PP2D1: variants seen among roughly 807,000 people sequenced by gnomAD.
PP2D1 encodes protein phosphatase 2C-like domain-containing protein 1.
PP2D1 carries 25 observed loss-of-function variants against 30.2 expected under a neutral mutation model. That is an observed-to-expected ratio of 0.83 (90% confidence interval 0.60 to 1.16). The LOEUF is 1.16. Among genes scored for constraint, PP2D1 ranks in the 50% most tolerant of loss-of-function variants. The pLI is 0.00. For missense variants in PP2D1, 760 were observed against 742.4 expected, an observed-to-expected ratio of 1.02 and a Z score of -0.28; for synonymous variants, 260 against 258.9, an observed-to-expected ratio of 1.00 and a Z score of -0.04.
chr3:20,002,376 C>T (rs951911512), intron 1 of PP2D1, among the ~76,000 whole-genome samples: 6 of 152,086 alleles, frequency 3.9e-5, no homozygotes, highest in African/African-American at 1.2e-4. Context: ...CTTAGACATG[C>T]GAAAGTATGT....
chr3:20,004,035 A>T (rs570029394), intron 1 of PP2D1, among the ~76,000 whole-genome samples: 46 of 152,328 alleles, frequency 3.0e-4, no homozygotes, highest in African/African-American at 1.1e-3. Context: ...TAACATCTGC[A>T]GTAGTGTGCA....
downstream of PP2D1, among the ~76,000 whole-genome samples, chr3:19,980,371 G>T (rs1475800112): frequency 6.6e-6 from 1 of 151,812 alleles, no homozygotes; most frequent in African/African-American, 2.4e-5. Flanking sequence ...AAATCAGAAT[G>T]TTGCACTTCT....
At chr3:19,987,406 G>A (rs1697054136) in intron 2 of PP2D1, among the ~76,000 whole-genome samples, 1 of 152,022 alleles carries the variant, frequency 6.6e-6, no homozygotes, top group Non-Finnish European at 1.5e-5. Flanking sequence ...AATCATTTAT[G>A]ATTTATAGAA....
chr3:19,983,646 A>G, downstream of PP2D1: 1 of 1,060,930 alleles, frequency 9.4e-7, no homozygotes, highest in Non-Finnish European at 1.4e-6. Context: ...ATAGATAAGC[A>G]GGTGAAACTG....
intron 2 of PP2D1, among the ~76,000 whole-genome samples, chr3:19,991,997 C>T (rs1358472705): frequency 6.6e-6 from 1 of 152,050 alleles, no homozygotes; most frequent in African/African-American, 2.4e-5. Flanking sequence ...ATTAGGATTG[C>T]ATGTAAATAA....
Position 19,999,081 on chromosome 3 carries a change from C to CTTT in PP2D1, c.1090+1946_1090+1948dup, listed in dbSNP as rs63201460. Among the ~76,000 whole-genome samples the CTTT allele has an allele frequency of 5.0e-3, 681 of 135,134 alleles. 23 individuals carry two copies. The highest frequency in any genetic ancestry group is 0.016 in the South Asian group (68 of 4,328). The allele number at this position is 135,134 out of a possible 152,430, so 88.7% of individuals were successfully genotyped here. A position where few individuals can be genotyped will look rare whatever the true frequency, so the allele number is the denominator to read the frequency against. ...CCAACCAATCAGCAGTGTGTCTAGA[C>CTTT]TTTTTTTTTTTTTTTTTGAGACAGA... On this transcript the variant is annotated intron_variant, in intron 2 of 2. Coordinates refer to ENST00000389050, the MANE Select transcript of PP2D1 (RefSeq NM_001252657.2).
In PP2D1 at chr3:20,006,485, C is replaced by T. The variant is rs562187461; in HGVS notation, c.24-4389G>A. On this transcript the variant is annotated intron_variant, in intron 1 of 2. Coordinates refer to ENST00000389050, the MANE Select transcript of PP2D1 (RefSeq NM_001252657.2). ...ATGCTTAGGTCCCTGATATAAATGG[C>T]GTAGTATTTGCATCTTCCTTGTATG... Among the ~76,000 whole-genome samples the T allele has an allele frequency of 7.2e-5, 11 of 152,158 alleles. No homozygotes were observed. The East Asian group carries it at 9.7e-4, about 13-fold the overall frequency.
intron 2 of PP2D1, among the ~76,000 whole-genome samples, chr3:19,993,573 A>G (rs1697142581): frequency 6.6e-6 from 1 of 152,054 alleles, no homozygotes. Context: ...CCGTCTTTAC[A>G]TAAAACAAAA....
chr3:20,006,956 T>C (rs941843654), intron 1 of PP2D1, among the ~76,000 whole-genome samples: 1 of 149,888 alleles, frequency 6.7e-6, no homozygotes, highest in Non-Finnish European at 1.5e-5. Flanking sequence ...TGTGTGTATA[T>C]ATATATACAT....
chr3:19,986,743 T>G (rs1381437441), intron 2 of PP2D1, among the ~76,000 whole-genome samples: 1 of 151,554 alleles, frequency 6.6e-6, no homozygotes. Context: ...TTCTAAAATT[T>G]AAGTCAATCC....
At chr3:19,987,559 C>G (rs1182619343) in intron 2 of PP2D1, among the ~76,000 whole-genome samples, 1 of 152,038 alleles carries the variant, frequency 6.6e-6, no homozygotes, top group Admixed American at 6.6e-5. Context: ...CATTTAGTTG[C>G]TTGCAGGAGG....
chr3:19,999,914 C>A (rs1303047173), intron 2 of PP2D1, among the ~76,000 whole-genome samples: 1 of 152,272 alleles, frequency 6.6e-6, no homozygotes, highest in South Asian at 2.1e-4. Flanking sequence ...AGGCAGTGGA[C>A]ATGCACTTAG....
downstream of PP2D1, chr3:19,984,181 A>AT: frequency 2.4e-6 from 1 of 423,650 alleles, no homozygotes; most frequent in Non-Finnish European, 4.5e-6. Context: ...GTGAAAAAAA[A>AT]ATTGGAACTT....
chr3:20,006,224 C>T (rs1021278223), intron 1 of PP2D1, among the ~76,000 whole-genome samples: 1 of 152,052 alleles, frequency 6.6e-6, no homozygotes, highest in Non-Finnish European at 1.5e-5. Context: ...CCAGCCTGGG[C>T]GACAGAGCGA....
intron 1 of PP2D1, among the ~76,000 whole-genome samples, chr3:20,003,241 G>T (rs868193398): frequency 6.6e-6 from 1 of 151,842 alleles, no homozygotes; most frequent in South Asian, 2.1e-4. Flanking sequence ...CCTCCAGGAG[G>T]TATTCCAGAA....
At chr3:19,999,892 A>T (rs1268427139) in intron 2 of PP2D1, among the ~76,000 whole-genome samples, 1 of 152,218 alleles carries the variant, frequency 6.6e-6, no homozygotes, top group Non-Finnish European at 1.5e-5. Flanking sequence ...CTGAGAAACG[A>T]CAAAGACTGT....
intron 2 of PP2D1, among the ~76,000 whole-genome samples, chr3:19,992,528 T>G (rs1487586439): frequency 2.6e-5 from 4 of 152,116 alleles, no homozygotes. Context: ...ATGAACACAT[T>G]TTCACACCCA....
intron 2 of PP2D1, among the ~76,000 whole-genome samples, chr3:19,988,951 A>T (rs1697079683): frequency 6.6e-6 from 1 of 151,594 alleles, no homozygotes; most frequent in South Asian, 2.1e-4. Flanking sequence ...ACGCCACTAC[A>T]CTCCAGCCTG....
chr3:19,980,050 A>G (rs1328703139), exon 4 of PP2D1: 1 of 152,234 alleles, frequency 6.6e-6, no homozygotes, highest in East Asian at 1.9e-4. Context: ...GCCTTTTCTC[A>G]TGTAAACTGT....
Sources: gnomAD v4.1 joint callset for allele counts (sites outside exome capture counted in the v4.1 genomes callset) on GRCh38, gnomAD v4.1.1 for gene constraint, MANE v1.5 for transcripts, NCBI Gene and HGNC (gene_info 2026-07-23, HGNC 2026-07-21) for gene names.